Variants in SCO1 observed in about 807,000 individuals in gnomAD.
The protein encoded by SCO1 is synthesis of cytochrome C oxidase 1.
SCO1 carries 23 observed loss-of-function variants against 34.0 expected under a neutral mutation model. The ratio of observed to expected loss-of-function variants is 0.68; its 90% CI spans 0.49 to 0.96. The LOEUF is 0.96. SCO1 is among the 40% of genes least tolerant of loss of function. SCO1 has a pLI of 0.00. For synonymous variants in SCO1, 161 were observed against 145.5 expected (o/e 1.11, Z -0.77); for missense variants, 404 against 381.6 (o/e 1.06, Z -0.49).
At chr17:10,697,206 C>T in intron 1 of SCO1, 29 bp downstream of exon 1, 1 of 1,500,122 alleles carries the variant, frequency 6.7e-7, no homozygotes, top group Non-Finnish European at 8.9e-7. Context: ...CCGCGACGAG[C>T]ACCAGAAGGG....
At chr17:10,683,971 T>C (rs1323922250) in intron 5 of SCO1, 1 of 152,148 alleles carries the variant, frequency 6.6e-6, no homozygotes, top group Non-Finnish European at 1.5e-5. Context: ...CAAACCATCC[T>C]ATGGATGAAA....
chr17:10,676,545 ACTTTTTGAAT>A lies in SCO1; in HGVS notation c.*4564_*4573del, dbSNP rs2074582155. The A allele has an allele frequency of 6.6e-6, 1 of 152,144 alleles. No individual in the cohort carries two copies. The highest frequency in any genetic ancestry group is 1.5e-5 in the Non-Finnish European group (1 of 68,016). 9.4% of individuals were successfully genotyped at this position (152,144 alleles called of 1,614,324 possible). A position where few individuals can be genotyped will look rare whatever the true frequency, so the allele number is the denominator to read the frequency against. On this transcript the variant is annotated 3_prime_UTR_variant, in exon 6 of 6. Coordinates refer to ENST00000255390, the MANE Select transcript of SCO1 (RefSeq NM_004589.4). ...GGTACATCAATTAGTTAACTATTCT[ACTTTTTGAAT>A]AAGTTTCCAAATTTTCACAATAAAA...
intron 3 of SCO1, 25 bp from the exon 4 acceptor site, chr17:10,691,989 G>A (rs572317488): frequency 1.4e-5 from 20 of 1,478,998 alleles, no homozygotes; most frequent in Admixed American, 6.7e-5. Flanking sequence ...CAATTAGTCC[G>A]TATTCACACC....
intron 5 of SCO1, among the ~76,000 whole-genome samples, chr17:10,684,401 G>T (rs1484323204): frequency 2.6e-5 from 4 of 152,172 alleles, no homozygotes; most frequent in Admixed American, 6.5e-5. Context: ...ACGATTAAAG[G>T]TTTCAAAGTA....
At position 10,680,825 on chromosome 17, in the gene SCO1, C is replaced by T; in HGVS notation, c.*294G>A. 2.2e-6 allele frequency: 1 copy of T among 464,974 alleles called. No homozygotes were observed. The highest frequency in any genetic ancestry group is 3.9e-6 in the Non-Finnish European group (1 of 254,358). 28.8% of individuals were successfully genotyped at this position (464,974 alleles called of 1,614,324 possible). A position where few individuals can be genotyped will look rare whatever the true frequency, so the allele number is the denominator to read the frequency against. On this transcript the variant is annotated 3_prime_UTR_variant, in exon 6 of 6. Transcript: ENST00000255390. ...CGCAGGCAGGAATGCACTGGCTGTGCCTCGCCCCGCCATGTCCTTCCACAG... is the reference window on the plus strand; with the variant it reads ...CGCAGGCAGGAATGCACTGGCTGTGTCTCGCCCCGCCATGTCCTTCCACAG...
rs144499844 is a variant in SCO1, at chr17:10,686,554, C to T, written c.771+173G>A. The stretch of plus-strand genomic sequence containing the variant: ...CGAAGATTGTGCCACTGCACTCCAG[C>T]CTGGATGACAGAATGAGACTCCATC... On this transcript the variant is annotated intron_variant, in intron 5 of 5. Transcript: ENST00000255390. 1.2e-3 allele frequency among the ~76,000 whole-genome samples: 172 copies of T among 149,240 alleles called. 1 individual carries two copies. Among genetic ancestry groups the T allele is most frequent in the African/African-American group, 3.8e-3 (152 of 40,138 alleles).
rs539106535 is a variant in SCO1, at chr17:10,689,034, T to C, written c.656-2192A>G. On this transcript the variant is annotated intron_variant, in intron 4 of 5. Coordinates refer to ENST00000255390, the MANE Select transcript of SCO1 (RefSeq NM_004589.4). Reference sequence around the variant, plus strand: ...GGGAGGCTGAGGCAGGAGAATGGCGTGAACCCGGGAGGCGGAGCTTGCAGT... The same window carrying C: ...GGGAGGCTGAGGCAGGAGAATGGCGCGAACCCGGGAGGCGGAGCTTGCAGT... Among the ~76,000 whole-genome samples, 14 of 133,648 alleles carry C rather than the reference T, an allele frequency of 1.0e-4. No homozygotes were observed. In the East Asian group the frequency reaches 2.4e-3, roughly 23 times the overall value. 87.7% of individuals were successfully genotyped at this position (133,648 alleles called of 152,430 possible).
At chr17:10,690,374 A>C (rs1220500535) in intron 4 of SCO1, among the ~76,000 whole-genome samples, 1 of 152,244 alleles carries the variant, frequency 6.6e-6, no homozygotes, top group Non-Finnish European at 1.5e-5. Context: ...TAAAAAGGGC[A>C]AATGATCTAA....
intron 4 of SCO1, among the ~76,000 whole-genome samples, chr17:10,688,855 G>A (rs919985401): frequency 5.7e-5 from 8 of 141,058 alleles, no homozygotes; most frequent in Admixed American, 4.1e-4. Flanking sequence ...GGTGGCTCAC[G>A]CCTGTAATCC....
chr17:10,685,601 G>T (rs945781251), intron 5 of SCO1, among the ~76,000 whole-genome samples: 2 of 152,124 alleles, frequency 1.3e-5, no homozygotes, highest in Non-Finnish European at 1.5e-5. Context: ...CATATTTAAC[G>T]CCTAACTGTC....
rs2151450745 is a variant in SCO1, at chr17:10,679,596, A to C, written c.*1523T>G. The C allele has an allele frequency of 1.3e-5, 2 of 152,328 alleles. No homozygotes were observed. The highest frequency in any genetic ancestry group is 3.9e-4 in the East Asian group (2 of 5,182). The allele number at this position is 152,328 out of a possible 1,614,324, so 9.4% of individuals were successfully genotyped here. A position where few individuals can be genotyped will look rare whatever the true frequency, so the allele number is the denominator to read the frequency against. ...AGGATTTACTGAAAAACTTTTGGAG[A>C]ACTTTGCCCCTAGGGCAGCAGCTTC... On this transcript the variant is annotated 3_prime_UTR_variant, in exon 6 of 6. Coordinates refer to ENST00000255390, the MANE Select transcript of SCO1 (RefSeq NM_004589.4).
At chr17:10,696,088 A>T (rs2074722681) in intron 1 of SCO1, among the ~76,000 whole-genome samples, 1 of 150,686 alleles carries the variant, frequency 6.6e-6, no homozygotes, top group South Asian at 2.1e-4. Context: ...AAAAAAAAAA[A>T]AAAAAAAAAG....
intron 4 of SCO1, among the ~76,000 whole-genome samples, chr17:10,688,387 A>G (rs1260117703): frequency 1.3e-5 from 2 of 152,230 alleles, no homozygotes. Context: ...ATAAGAGCAT[A>G]AAAAGAAGCT....
chr17:10,681,098 C>A lies in SCO1; in HGVS notation c.*21G>T. 6.2e-7 allele frequency: 1 copy of A among 1,614,132 alleles called. No individual in the cohort carries two copies. The highest frequency in any genetic ancestry group is 8.5e-7 in the Non-Finnish European group (1 of 1,179,960). ...CCTTCCTCTTAGCAAGAGAATACTG[C>A]ATCCAGCAACACTGCTTTGGCTAGC... On this transcript the variant is annotated 3_prime_UTR_variant, in exon 6 of 6. Coordinates refer to ENST00000255390, the MANE Select transcript of SCO1 (RefSeq NM_004589.4).
In SCO1 at chr17:10,672,992, ATTTTTCTTT is replaced by A. The variant is rs2074556018; in HGVS notation, c.*8118_*8126del. On this transcript the variant is annotated 3_prime_UTR_variant, in exon 6 of 6. Transcript: ENST00000255390. ...GGCCTCATGTCTAAAAGCTGCCCTA[ATTTTTCTTT>A]TTTTTCTTTTTTTTTTTTTTTGAGA... is the stretch of plus-strand genomic sequence containing the variant. The A allele has an allele frequency of 7.7e-6, 1 of 130,504 alleles. No individual in the cohort carries two copies. Among genetic ancestry groups the A allele is most frequent in the Non-Finnish European group, 1.5e-5 (1 of 66,458 alleles). 8.1% of individuals were successfully genotyped at this position (130,504 alleles called of 1,614,324 possible). A position where few individuals can be genotyped will look rare whatever the true frequency, so the allele number is the denominator to read the frequency against.
chr17:10,694,633 T>C (rs1479967267), intron 2 of SCO1, among the ~76,000 whole-genome samples: 3 of 152,186 alleles, frequency 2.0e-5, no homozygotes, highest in Non-Finnish European at 4.4e-5. Context: ...TCAAATTATT[T>C]AGGAAGACTT....
chr17:10,684,852 T>C (rs1389266436), intron 5 of SCO1, among the ~76,000 whole-genome samples: 1 of 152,262 alleles, frequency 6.6e-6, no homozygotes, highest in Non-Finnish European at 1.5e-5. Context: ...CTCTCTGCTC[T>C]TCTCTCATTC....
rs924913705 is a variant in SCO1, at chr17:10,692,862, T to C, written c.464A>G (p.Tyr155Cys). Residue 155 changes from tyrosine (Y) to cysteine (C), a missense_variant, in exon 3 of 6, where the codon TAC (tyrosine) becomes TGC (cysteine). By Grantham distance (194) the Tyr-to-Cys change is radical. Coordinates refer to ENST00000255390, the MANE Select transcript of SCO1 (RefSeq NM_004589.4). The part of the protein sequence containing the change: ...HTGERKTDKD[Y>C]LGQWLLIYFG... ...ATAAATCAATAACCACTGACCCAAG[T>C]AGTCCTTGTCAGTTTTACGCTCCCC... 1.2e-6 allele frequency: 2 copies of C among 1,614,040 alleles called. No homozygotes were observed. The highest frequency in any genetic ancestry group is 1.3e-5 in the African/African-American group (1 of 75,052).
rs1245239524 is a variant in SCO1, at chr17:10,675,065, ACT to A, written c.*6052_*6053del. 2 of 152,194 alleles carry A rather than the reference ACT, an allele frequency of 1.3e-5. No individual in the cohort carries two copies. The highest frequency in any genetic ancestry group is 1.5e-5 in the Non-Finnish European group (1 of 68,086). The allele number at this position is 152,194 out of a possible 1,614,324, so 9.4% of individuals were successfully genotyped here. On this transcript the variant is annotated 3_prime_UTR_variant, in exon 6 of 6. Transcript: ENST00000255390. ...AGGGCCCTAGAAGTCTCTAAAAGCC[ACT>A]GAGCAAACTTCTTTGCCTCTCAAAG...
Sources: gnomAD v4.1 joint callset for allele counts (sites outside exome capture counted in the v4.1 genomes callset) on GRCh38, gnomAD v4.1.1 for gene constraint, MANE v1.5 for transcripts, NCBI Gene and HGNC (gene_info 2026-07-23, HGNC 2026-07-21) for gene names.